The following CYP19A1 variants were observed in gnomAD, a reference collection of about 807,000 sequenced individuals.
CYP19A1 encodes the protein aromatase.
Under a neutral mutation model 44.4 loss-of-function variants are expected in CYP19A1, and 32 were observed. The observed-to-expected ratio is 0.72, with a 90% CI of 0.54 to 0.97. The LOEUF (loss-of-function observed/expected upper bound fraction) is 0.97. CYP19A1 is among the 50% of genes least tolerant of loss of function. The probability of loss-of-function intolerance (pLI) is 0.00; values close to 1 mark genes in which losing one functional copy is unlikely to be tolerated. For synonymous variants in CYP19A1, 212 were observed against 215.6 expected, an observed-to-expected ratio of 0.98 and a Z score of 0.14; for missense variants, 598 against 637.8, an observed-to-expected ratio of 0.94 and a Z score of 0.67.
intron 1 of CYP19A1, chr15:51,316,011 A>G (rs1002782544): frequency 1.1e-4 from 16 of 152,202 alleles, no homozygotes; most frequent in African/African-American, 3.6e-4. Flanking sequence ...TCATCAAGGA[A>G]AAAGCCCTGA....
At chr15:51,237,349 G>A (rs916164443) in intron 2 of CYP19A1, among the ~76,000 whole-genome samples, 2 of 152,122 alleles carry the variant, frequency 1.3e-5, no homozygotes, top group Non-Finnish European at 2.9e-5. Context: ...CAAGTCAATT[G>A]GTGCATTTGG....
chr15:51,217,162 C>G (rs1207911180), intron 6 of CYP19A1, among the ~76,000 whole-genome samples: 1 of 152,228 alleles, frequency 6.6e-6, no homozygotes, highest in African/African-American at 2.4e-5. Context: ...TGAGAATGCT[C>G]ATAGCATTCC....
chr15:51,335,394 A>G (rs1272491568), intron 1 of CYP19A1, among the ~76,000 whole-genome samples: 1 of 152,108 alleles, frequency 6.6e-6, no homozygotes, highest in Non-Finnish European at 1.5e-5. Flanking sequence ...CTTATTCCCA[A>G]CCCTAGAGAT....
At chr15:51,257,586 A>G (rs1004305916) in intron 1 of CYP19A1, among the ~76,000 whole-genome samples, 1 of 152,196 alleles carries the variant, frequency 6.6e-6, no homozygotes, top group Non-Finnish European at 1.5e-5. Flanking sequence ...CCTCCATGTC[A>G]TGGCGTAAGG....
chr15:51,225,018 C>G (rs2032452776), intron 4 of CYP19A1, among the ~76,000 whole-genome samples: 1 of 152,204 alleles, frequency 6.6e-6, no homozygotes, highest in South Asian at 2.1e-4. Context: ...TCTGAAAAGT[C>G]TCCCCTGCCC....
At chr15:51,259,944 A>G (rs1327612572) in intron 1 of CYP19A1, among the ~76,000 whole-genome samples, 1 of 152,276 alleles carries the variant, frequency 6.6e-6, no homozygotes, top group Non-Finnish European at 1.5e-5. Flanking sequence ...ACAGGTAAGA[A>G]GAACACTAAA....
chr15:51,261,661 C>T (rs560178758), intron 1 of CYP19A1, among the ~76,000 whole-genome samples: 1 of 152,302 alleles, frequency 6.6e-6, no homozygotes, highest in Admixed American at 6.5e-5. Context: ...ATAAAACTGA[C>T]CACTTGACAA....
chr15:51,257,394 G>A (rs2034554183), intron 1 of CYP19A1, among the ~76,000 whole-genome samples: 1 of 152,192 alleles, frequency 6.6e-6, no homozygotes, highest in Non-Finnish European at 1.5e-5. Context: ...TCCAGGCTGG[G>A]GCAGGACGCA....
In CYP19A1 at chr15:51,215,106, C is replaced by G; in HGVS notation, c.985G>C (p.Glu329Gln). Residue 329 changes from glutamate to glutamine, a missense_variant, in exon 8 of 10, where the codon GAA becomes CAA. Glu to Gln is a conservative substitution (Grantham distance 29). Transcript: ENST00000396402. Reference protein sequence around the residue: ...LFLIAKHPNVEEAIIKEIQTV... With the variant: ...LFLIAKHPNVQEAIIKEIQTV... ...TGGATTTCCTTTATTATTGCCTCTTCAACATTAGGGTGCTTTGCAATGAGA... is the reference window on the plus strand; with the variant it reads ...TGGATTTCCTTTATTATTGCCTCTTGAACATTAGGGTGCTTTGCAATGAGA... 6.2e-7 allele frequency: 1 copy of G among 1,613,960 alleles called. No individual in the cohort carries two copies. The highest frequency in any genetic ancestry group is 8.5e-7 in the Non-Finnish European group (1 of 1,179,958).
At chr15:51,250,880 A>T (rs571024145) in intron 1 of CYP19A1, among the ~76,000 whole-genome samples, 1 of 152,330 alleles carries the variant, frequency 6.6e-6, no homozygotes, top group Admixed American at 6.5e-5. Flanking sequence ...CCCAGAGTAG[A>T]TAAGGTAGTG....
chr15:51,235,959 C>T (rs760343537), intron 3 of CYP19A1, among the ~76,000 whole-genome samples: 10 of 152,194 alleles, frequency 6.6e-5, no homozygotes, highest in East Asian at 1.9e-4. Flanking sequence ...TAGGGAAATA[C>T]GCCATCTTTG....
At chr15:51,289,891 T>C (rs530599216) in intron 1 of CYP19A1, among the ~76,000 whole-genome samples, 2 of 152,246 alleles carry the variant, frequency 1.3e-5, no homozygotes, top group African/African-American at 4.8e-5. Context: ...ATGCTACCAG[T>C]CCCAGCAGAG....
Position 51,210,480 on chromosome 15 carries a change from A to G in CYP19A1, c.*328T>C. The G allele has an allele frequency of 3.7e-6, 2 of 539,334 alleles. No individual in the cohort carries two copies. Among genetic ancestry groups the G allele is most frequent in the South Asian group, 1.5e-5 (1 of 64,740 alleles). 33.4% of individuals were successfully genotyped at this position (539,334 alleles called of 1,614,324 possible). A position where few individuals can be genotyped will look rare whatever the true frequency, so the allele number is the denominator to read the frequency against. On this transcript the variant is annotated 3_prime_UTR_variant, in exon 10 of 10. Coordinates refer to ENST00000396402, the MANE Select transcript of CYP19A1 (RefSeq NM_000103.4). ...TTGAGGCAGTAGAGCTCTACTGGGGAACCAGACATACATTTTGTTAATGAA... is the reference window on the plus strand; with the variant it reads ...TTGAGGCAGTAGAGCTCTACTGGGGGACCAGACATACATTTTGTTAATGAA...
At chr15:51,285,987 G>A (rs1043704483) in intron 1 of CYP19A1, among the ~76,000 whole-genome samples, 1 of 152,082 alleles carries the variant, frequency 6.6e-6, no homozygotes, top group Non-Finnish European at 1.5e-5. Flanking sequence ...CCCCCATCCA[G>A]ACGGCACCAG....
intron 1 of CYP19A1, among the ~76,000 whole-genome samples, chr15:51,292,181 C>T (rs2035862726): frequency 6.6e-6 from 1 of 152,200 alleles, no homozygotes; most frequent in African/African-American, 2.4e-5. Context: ...TCAAATTGGA[C>T]AGGCAGAGTC....
chr15:51,232,063 C>T (rs1566883005), intron 3 of CYP19A1, among the ~76,000 whole-genome samples: 1 of 152,188 alleles, frequency 6.6e-6, no homozygotes. Context: ...GCTGTAATTT[C>T]TCCTATTTTA....
At chr15:51,219,942 GA>G (rs1256836317) in intron 5 of CYP19A1, among the ~76,000 whole-genome samples, 1 of 152,194 alleles carries the variant, frequency 6.6e-6, no homozygotes, top group East Asian at 1.9e-4. Flanking sequence ...TTCTTCAAGT[GA>G]TTGTGGGCTC....
intron 1 of CYP19A1, among the ~76,000 whole-genome samples, chr15:51,276,233 C>T (rs531014949): frequency 6.6e-6 from 1 of 152,304 alleles, no homozygotes; most frequent in South Asian, 2.1e-4. Flanking sequence ...CATAGTCTAT[C>T]TCACATCTTG....
In CYP19A1 at chr15:51,210,479, G is replaced by A; in HGVS notation, c.*329C>T. On this transcript the variant is annotated 3_prime_UTR_variant, in exon 10 of 10. Coordinates refer to ENST00000396402, the MANE Select transcript of CYP19A1 (RefSeq NM_000103.4). The stretch of plus-strand genomic sequence containing the variant: ...GTTGAGGCAGTAGAGCTCTACTGGG[G>A]AACCAGACATACATTTTGTTAATGA... 5.6e-6 allele frequency: 3 copies of A among 538,534 alleles called. No homozygotes were observed. The highest frequency in any genetic ancestry group is 4.0e-5 in the East Asian group (1 of 24,960). 33.4% of individuals were successfully genotyped at this position (538,534 alleles called of 1,614,324 possible).
Sources: allele counts gnomAD v4.1 joint callset (sites outside exome capture counted in the v4.1 genomes callset), GRCh38; gene constraint gnomAD v4.1.1; transcripts MANE v1.5; gene names NCBI Gene and HGNC (gene_info 2026-07-23, HGNC 2026-07-21).